SYNJ2: variants seen among roughly 807,000 people sequenced by gnomAD.
The protein encoded by SYNJ2 is polyphosphatidylinositol phosphatase SYNJ2.
SYNJ2 carries 116 observed loss-of-function variants against 141.3 expected under a neutral mutation model. The ratio of observed to expected loss-of-function variants is 0.82; its 90% CI spans 0.71 to 0.96. SYNJ2 has a LOEUF of 0.96. SYNJ2 is among the 40% of genes least tolerant of loss of function. The probability of loss-of-function intolerance (pLI) is 0.00; values close to 1 mark genes in which losing one functional copy is unlikely to be tolerated. For synonymous variants in SYNJ2, 745 were observed against 777.7 expected (o/e 0.96, Z 0.70); for missense variants, 1,873 against 1,934.8 (o/e 0.97, Z 0.60).
intron 11 of SYNJ2, among the ~76,000 whole-genome samples, chr6:158,065,850 G>C (rs927914589): frequency 6.6e-6 from 1 of 152,124 alleles, no homozygotes; most frequent in Non-Finnish European, 1.5e-5. Context: ...AGTTAGATTT[G>C]GTTTACATCA....
In SYNJ2 at chr6:158,040,977, G is replaced by A. The variant is rs552808592; in HGVS notation, c.712-2339G>A. ...TCCCACGACCCAAGCTCTCTCCGAC[G>A]CCAGCAGGTGCCCGCATGCATAGTC... On this transcript the variant is annotated intron_variant, in intron 4 of 26. Coordinates refer to ENST00000355585, the MANE Select transcript of SYNJ2 (RefSeq NM_003898.4). This position sits in a 1 kb window ranked among gnomAD's most constrained non-coding sequence, Gnocchi z 4.2. Among the ~76,000 whole-genome samples the A allele has an allele frequency of 4.0e-4, 61 of 152,302 alleles. No homozygotes were observed. The highest frequency in any genetic ancestry group is 1.1e-3 in the African/African-American group (47 of 41,554).
intron 23 of SYNJ2, among the ~76,000 whole-genome samples, chr6:158,088,259 A>G (rs1783209703): frequency 6.6e-6 from 1 of 151,490 alleles, no homozygotes; most frequent in South Asian, 2.1e-4. Flanking sequence ...TTTTGTAGAG[A>G]CAGTTTCACC....
At chr6:158,051,442 T>G (rs1780558776) in intron 5 of SYNJ2, among the ~76,000 whole-genome samples, 1 of 151,890 alleles carries the variant, frequency 6.6e-6, no homozygotes, top group Admixed American at 6.6e-5. Context: ...TTTCTGAGAT[T>G]TCCTCAGCCA....
chr6:158,014,684 C>G (rs1024103010), intron 1 of SYNJ2, among the ~76,000 whole-genome samples: 2 of 152,234 alleles, frequency 1.3e-5, no homozygotes, highest in African/African-American at 2.4e-5. Context: ...AGCTATGTCC[C>G]GAGAACCAGC....
chr6:158,008,415 G>A (rs1377326174), intron 1 of SYNJ2, among the ~76,000 whole-genome samples: 1 of 152,224 alleles, frequency 6.6e-6, no homozygotes, highest in Non-Finnish European at 1.5e-5. Context: ...CAAGTCCCCT[G>A]GAGGGCTCAT....
In SYNJ2 at chr6:158,043,294, T is replaced by C. The variant is rs1780053784; in HGVS notation, c.712-22T>C. The C allele has an allele frequency of 1.2e-6, 2 of 1,610,548 alleles. No homozygotes were observed. The highest frequency in any genetic ancestry group is 2.2e-5 in the East Asian group (1 of 44,838). Reference sequence around the variant, plus strand: ...GGTTTCATTGAAGAATACCTTTCCCTTTCTGTTTCCTTGTGCCGCAGATGA... The same window carrying C: ...GGTTTCATTGAAGAATACCTTTCCCCTTCTGTTTCCTTGTGCCGCAGATGA... On this transcript the variant is annotated intron_variant, in intron 4 of 26. Coordinates refer to ENST00000355585, the MANE Select transcript of SYNJ2 (RefSeq NM_003898.4). This position sits in a 1 kb window ranked among gnomAD's most constrained non-coding sequence, Gnocchi z 4.0.
intron 17 of SYNJ2, 127 bp downstream of exon 17, chr6:158,076,909 C>A: frequency 8.5e-7 from 1 of 1,183,210 alleles, no homozygotes; most frequent in Non-Finnish European, 1.1e-6. Context: ...CCAGATGACA[C>A]AAAAGTCATC....
chr6:158,072,752 A>T (rs1376327277), intron 15 of SYNJ2, among the ~76,000 whole-genome samples: 1 of 136,030 alleles, frequency 7.4e-6, no homozygotes. Flanking sequence ...AAAAAAAAAA[A>T]GTCTAACCCT....
intron 13 of SYNJ2, among the ~76,000 whole-genome samples, chr6:158,068,978 C>G (rs746864390): frequency 3.9e-5 from 6 of 152,156 alleles, no homozygotes; most frequent in Non-Finnish European, 7.3e-5. Flanking sequence ...AGTGCTCTGG[C>G]CTCGGCCACT....
At position 158,028,901 on chromosome 6, in the gene SYNJ2, G is replaced by T; in HGVS notation, c.360G>T (p.Leu120Phe). 6.2e-7 allele frequency: 1 copy of T among 1,614,192 alleles called. No individual in the cohort carries two copies. The change falls in exon 3 of 27, where the codon TTG (leucine) becomes TTT (phenylalanine). Residue 120 changes from leucine (L) to phenylalanine (F), a missense_variant. Transcript: ENST00000355585. ...AGGAGGAGGAACGCCTCATAGCTTT[G>T]AAGAAAATCCTCAGCTCGGGGGTGT... is the stretch of plus-strand genomic sequence containing the variant. Reference protein sequence around the residue: ...EAKEEERLIALKKILSSGVFY... With the variant: ...EAKEEERLIAFKKILSSGVFY...
At position 158,093,014 on chromosome 6, in the gene SYNJ2, A is replaced by G. The variant is rs935280014; in HGVS notation, c.3654A>G (p.Pro1218=). Reference sequence around the variant, plus strand: ...AGCCCACACCGGGGGCAGCCAAACCAGAGACCCCACAGGCGCCCCCACTCC... The same window carrying G: ...AGCCCACACCGGGGGCAGCCAAACCGGAGACCCCACAGGCGCCCCCACTCC... ...EPEPTPGAAK[P]ETPQAPPLLP... is the part of the protein sequence containing the mutation. Residue 1218 remains proline, a synonymous_variant, in exon 26 of 27, where the codon CCA becomes CCG. Coordinates refer to ENST00000355585, the MANE Select transcript of SYNJ2 (RefSeq NM_003898.4). The G allele has an allele frequency of 1.3e-5, 21 of 1,613,208 alleles. No individual in the cohort carries two copies. Among genetic ancestry groups the G allele is most frequent in the Non-Finnish European group, 1.7e-5 (20 of 1,179,814 alleles).
At position 158,075,572 on chromosome 6, in the gene SYNJ2, C is replaced by T. The variant is rs1012328854; in HGVS notation, c.2292+834C>T. Among the ~76,000 whole-genome samples the T allele has an allele frequency of 2.6e-5, 4 of 151,006 alleles. No individual in the cohort carries two copies. The East Asian group carries it at 7.9e-4, about 30-fold the overall frequency. On this transcript the variant is annotated intron_variant, in intron 16 of 26. Coordinates refer to ENST00000355585, the MANE Select transcript of SYNJ2 (RefSeq NM_003898.4). The stretch of plus-strand genomic sequence containing the variant: ...AGGAGAATCGCTTGAACCTGGGAGG[C>T]GGAAGTTGCAGTGAGCCGAGATCGC...
At position 157,982,038 on chromosome 6, in the gene SYNJ2, G is replaced by A. The variant is rs1248809028; in HGVS notation, c.77G>A (p.Arg26His). ...EGDCSVLLEARGRDDCLLFEA... is the reference protein window; with the variant it reads ...EGDCSVLLEAHGRDDCLLFEA... ...GACTGTAGCGTGCTGCTGGAGGCGC[G>A]CGGCCGCGACGACTGCCTGCTGTTC... The change falls in exon 1 of 27, where the codon CGC becomes CAC. Residue 26 changes from arginine (R) to histidine (H), a missense_variant. Arg to His is a conservative substitution (Grantham distance 29). Transcript: ENST00000355585. The surrounding 1 kb of genome is among the most constrained non-coding windows in gnomAD (Gnocchi z 4.0). The A allele has an allele frequency of 7.5e-7, 1 of 1,334,014 alleles. No individual in the cohort carries two copies. The highest frequency in any genetic ancestry group is 9.6e-7 in the Non-Finnish European group (1 of 1,045,472). 82.6% of individuals were successfully genotyped at this position (1,334,014 alleles called of 1,614,324 possible).
rs540297921 is a variant in SYNJ2 at position 158,038,717 on chromosome 6, T to C, written c.712-4599T>C. Among the ~76,000 whole-genome samples, 4 of 152,274 alleles carry C rather than the reference T, an allele frequency of 2.6e-5. No homozygotes were observed. The South Asian group carries it at 8.3e-4, about 32-fold the overall frequency. On this transcript the variant is annotated intron_variant, in intron 4 of 26. Transcript: ENST00000355585. ...GGCATGGGGGGCAGTGGTGGTGTGA[T>C]GGGGGCGCAGCAGGAGTGGGGCAGG...
chr6:158,060,794 T>C (rs542947864), intron 7 of SYNJ2, among the ~76,000 whole-genome samples: 1 of 152,260 alleles, frequency 6.6e-6, no homozygotes, highest in South Asian at 2.1e-4. Flanking sequence ...CATCAGTGGG[T>C]GAAGTGCCCG....
chr6:158,032,087 G>A (rs750796151), intron 3 of SYNJ2, among the ~76,000 whole-genome samples: 26 of 152,094 alleles, frequency 1.7e-4, no homozygotes, highest in Non-Finnish European at 3.5e-4. Context: ...GCAGAGGAGC[G>A]CTGTGGCTGT....
rs1222061874 is a variant in SYNJ2, at chr6:158,076,706, A to G, written c.2373A>G (p.Thr791=). The G allele has an allele frequency of 2.5e-6, 4 of 1,614,226 alleles. No individual in the cohort carries two copies. Among genetic ancestry groups the G allele is most frequent in the Non-Finnish European group, 3.4e-6 (4 of 1,180,036 alleles). Residue 791 remains threonine, a synonymous_variant, in exon 17 of 27, where the codon ACA becomes ACG. Transcript: ENST00000355585. The part of the protein sequence containing the change: ...KYDVGSAAYD[T]SDKCRTPAWT... ...ACGTTGGCTCAGCCGCCTACGATAC[A>G]AGCGACAAATGCCGCACCCCCGCCT... is the stretch of plus-strand genomic sequence containing the variant.
chr6:158,078,080 C>A, intron 17 of SYNJ2, 84 bp from the exon 18 acceptor site: 1 of 891,128 alleles, frequency 1.1e-6, no homozygotes, highest in Non-Finnish European at 1.8e-6. Context: ...TGGCGCAGAC[C>A]TCTATTGTGG....
intron 6 of SYNJ2, among the ~76,000 whole-genome samples, chr6:158,056,699 A>C (rs1400716743): frequency 6.6e-6 from 1 of 152,152 alleles, no homozygotes; most frequent in Non-Finnish European, 1.5e-5. Flanking sequence ...GTGCTTCCCA[A>C]TTCTCTTCTC....
Sources: allele counts gnomAD v4.1 joint callset (sites outside exome capture counted in the v4.1 genomes callset), GRCh38; gene constraint gnomAD v4.1.1; non-coding constraint Gnocchi (gnomAD v3.1); transcripts MANE v1.5; gene names NCBI Gene and HGNC (gene_info 2026-07-23, HGNC 2026-07-21).